PABPC4L: variants seen among roughly 807,000 people sequenced by gnomAD.
The protein encoded by PABPC4L is polyadenylate-binding protein 4-like.
For missense variants in PABPC4L, 452 were observed against 451.4 expected (o/e 1.00, Z -0.01); for synonymous variants, 169 against 164.1 (o/e 1.03, Z -0.23).
At chr4:133,972,847 T>C in the PABPC4L span, among the ~76,000 whole-genome samples, 2 of 152,174 alleles carry the variant, frequency 1.3e-5, no homozygotes, top group South Asian at 4.1e-4. Context: ...ATCATTGTTG[T>C]AGGTCTCATA....
At position 134,196,734 on chromosome 4, in the gene PABPC4L, C is replaced by T. The variant is rs536416523; in HGVS notation, c.*3173G>A. 7 of 151,062 alleles carry T rather than the reference C, an allele frequency of 4.6e-5. No individual in the cohort carries two copies. The East Asian group carries it at 1.4e-3, about 29-fold the overall frequency. The allele number at this position is 151,062 out of a possible 1,614,324, so 9.4% of individuals were successfully genotyped here. ...TTCAACTAAGATAACTTGCTATTAT[C>T]ACGCACCAAAAAAAATTAGAATGAA... On this transcript the variant is annotated 3_prime_UTR_variant, in exon 2 of 2. Coordinates refer to ENST00000421491, the MANE Select transcript of PABPC4L (RefSeq NM_001114734.2).
At chr4:134,117,261 A>C in the PABPC4L span, among the ~76,000 whole-genome samples, 5 of 151,770 alleles carry the variant, frequency 3.3e-5, no homozygotes, top group Admixed American at 6.6e-5. Flanking sequence ...AGTAATTCCT[A>C]AAGCAAGCTA....
chr4:134,028,845 A>C, the PABPC4L span, among the ~76,000 whole-genome samples: 2 of 152,166 alleles, frequency 1.3e-5, no homozygotes, highest in Admixed American at 6.6e-5. Flanking sequence ...TACAGTGATA[A>C]GGTCAGATCC....
the PABPC4L span, among the ~76,000 whole-genome samples, chr4:133,983,010 CAAAT>C: frequency 6.6e-6 from 1 of 151,838 alleles, no homozygotes; most frequent in Non-Finnish European, 1.5e-5. Flanking sequence ...GCTTCATAAA[CAAAT>C]AGACTCACCA....
chr4:134,017,590 G>A, the PABPC4L span, among the ~76,000 whole-genome samples: 21 of 152,230 alleles, frequency 1.4e-4, no homozygotes, highest in African/African-American at 3.6e-4. Flanking sequence ...ATCTTTGCTG[G>A]CAGGACTATG....
the PABPC4L span, among the ~76,000 whole-genome samples, chr4:134,112,294 G>C: frequency 6.6e-6 from 1 of 151,870 alleles, no homozygotes; most frequent in Non-Finnish European, 1.5e-5. Flanking sequence ...GAAAATACTA[G>C]TTAAAAATTG....
At chr4:134,111,699 G>A in the PABPC4L span, among the ~76,000 whole-genome samples, 28 of 151,930 alleles carry the variant, frequency 1.8e-4, no homozygotes, top group Non-Finnish European at 3.5e-4. Flanking sequence ...CATGAGATCC[G>A]ATGGGTTTAT....
At chr4:134,018,280 T>TG in the PABPC4L span, among the ~76,000 whole-genome samples, 2 of 152,148 alleles carry the variant, frequency 1.3e-5, no homozygotes, top group Non-Finnish European at 2.9e-5. Context: ...TCTCCCTTGC[T>TG]GACACTCTTT....
At chr4:134,123,921 A>T in the PABPC4L span, among the ~76,000 whole-genome samples, 1 of 152,046 alleles carries the variant, frequency 6.6e-6, no homozygotes, top group Non-Finnish European at 1.5e-5. Flanking sequence ...TGGTTATTGC[A>T]TTGAGGGAGA....
At chr4:134,192,326 T>C (rs1729533239), downstream of PABPC4L, among the ~76,000 whole-genome samples, 1 of 152,146 alleles carries the variant, frequency 6.6e-6, no homozygotes, top group Non-Finnish European at 1.5e-5. Context: ...AGGTCCAGAA[T>C]ATACAAATCC....
At chr4:134,115,448 T>G in the PABPC4L span, among the ~76,000 whole-genome samples, 1 of 151,820 alleles carries the variant, frequency 6.6e-6, no homozygotes, top group East Asian at 1.9e-4. Context: ...TTCTATGGAA[T>G]TATAGAATAG....
chr4:134,077,641 C>T, the PABPC4L span, among the ~76,000 whole-genome samples: 2 of 152,088 alleles, frequency 1.3e-5, no homozygotes, highest in Non-Finnish European at 2.9e-5. Context: ...AAAGTCTCTC[C>T]TAAGGACCAA....
At chr4:134,055,364 T>C in the PABPC4L span, among the ~76,000 whole-genome samples, 1 of 151,868 alleles carries the variant, frequency 6.6e-6, no homozygotes, top group African/African-American at 2.4e-5. Context: ...GGAAGACATA[T>C]GAGAGAGCTC....
At chr4:134,075,543 G>A in the PABPC4L span, among the ~76,000 whole-genome samples, 1 of 152,014 alleles carries the variant, frequency 6.6e-6, no homozygotes, top group Non-Finnish European at 1.5e-5. Flanking sequence ...AATAGCATCC[G>A]AAGTAGACTG....
the PABPC4L span, among the ~76,000 whole-genome samples, chr4:133,980,743 T>C: frequency 1.3e-5 from 2 of 151,970 alleles, no homozygotes; most frequent in African/African-American, 2.4e-5. Flanking sequence ...TTTCCACTCT[T>C]ATGAAGTGTT....
Position 134,201,116 on chromosome 4 carries a change from G to A in PABPC4L, c.-97C>T. 1 of 1,550,478 alleles carries A rather than the reference G, an allele frequency of 6.4e-7. No homozygotes were observed. Among genetic ancestry groups the A allele is most frequent in the Non-Finnish European group, 8.7e-7 (1 of 1,146,834 alleles). On this transcript the variant is annotated 5_prime_UTR_variant, in exon 2 of 2. Coordinates refer to ENST00000421491, the MANE Select transcript of PABPC4L (RefSeq NM_001114734.2). ...CACAGCTTTGGCCCGGTTCAAGTGT[G>A]GAGGCCTCGGGATCACCACACAAAG...
At chr4:134,054,270 A>ATG in the PABPC4L span, among the ~76,000 whole-genome samples, 17 of 143,634 alleles carry the variant, frequency 1.2e-4, no homozygotes, top group African/African-American at 4.3e-4. Flanking sequence ...ATATATATAT[A>ATG]TATATATATA....
At chr4:134,043,742 T>A in the PABPC4L span, among the ~76,000 whole-genome samples, 1 of 152,060 alleles carries the variant, frequency 6.6e-6, no homozygotes, top group African/African-American at 2.4e-5. Context: ...TGTAATACAG[T>A]GCACTATTGC....
At chr4:133,972,604 T>G in the PABPC4L span, among the ~76,000 whole-genome samples, 14 of 152,124 alleles carry the variant, frequency 9.2e-5, no homozygotes, top group African/African-American at 3.4e-4. Context: ...ACTGAAAAAA[T>G]GGTGAACCTC....
Sources: allele counts gnomAD v4.1 joint callset (sites outside exome capture counted in the v4.1 genomes callset), GRCh38; gene constraint gnomAD v4.1.1; transcripts MANE v1.5; gene names NCBI Gene and HGNC (gene_info 2026-07-23, HGNC 2026-07-21).